MKX: variants seen among roughly 807,000 people sequenced by gnomAD.
MKX encodes homeobox protein Mohawk.
A neutral mutation model predicts 36.0 loss-of-function variants in MKX; 13 were observed. That is an observed-to-expected ratio of 0.36 (90% confidence interval 0.24 to 0.57). MKX has a LOEUF of 0.57. Ranked by LOEUF, MKX falls within the 20% of genes least tolerant of loss-of-function variation. MKX has a pLI of 0.79. For synonymous variants in MKX, 176 were observed against 178.3 expected (o/e 0.99, Z 0.10); for missense variants, 458 against 456.4 (o/e 1.00, Z -0.03).
chr10:27,716,874 T>C (rs2132606509), intron 5 of MKX, among the ~76,000 whole-genome samples: 1 of 152,296 alleles, frequency 6.6e-6, no homozygotes, highest in East Asian at 1.9e-4. Flanking sequence ...AAAGGAACTA[T>C]ACAGATGTAA....
chr10:27,728,067 T>C (rs1170121336), intron 5 of MKX, among the ~76,000 whole-genome samples: 1 of 152,192 alleles, frequency 6.6e-6, no homozygotes, highest in African/African-American at 2.4e-5. Context: ...GGACTGGTGA[T>C]AGAGGCTTTT....
intron 5 of MKX, among the ~76,000 whole-genome samples, chr10:27,707,629 T>C (rs1230675545): frequency 6.6e-6 from 1 of 152,208 alleles, no homozygotes; most frequent in Non-Finnish European, 1.5e-5. Context: ...CTTGCCGCCC[T>C]GCGTCCACAC....
At chr10:27,698,756 C>T (rs142969146) in intron 5 of MKX, among the ~76,000 whole-genome samples, 2 of 151,834 alleles carry the variant, frequency 1.3e-5, no homozygotes, top group South Asian at 2.1e-4. Context: ...AACCGCGATG[C>T]GAAATTACTT....
rs147700267 is a variant in MKX, at chr10:27,712,737, C to T, written c.838+21719G>A. 6.4e-3 allele frequency among the ~76,000 whole-genome samples: 979 copies of T among 152,134 alleles called. 4 individuals are homozygous for T. The highest frequency in any genetic ancestry group is 0.011 in the Non-Finnish European group (756 of 67,996). ...GCAGAGGTGGGAGGATTTCTTGAGG[C>T]CAGGAGTTTGAGACAAAACACGACA... is the stretch of plus-strand genomic sequence containing the variant. On this transcript the variant is annotated intron_variant, in intron 5 of 6. Coordinates refer to ENST00000419761, the MANE Select transcript of MKX (RefSeq NM_173576.3).
chr10:27,679,806 G>A (rs2132489331), intron 5 of MKX, among the ~76,000 whole-genome samples: 1 of 152,266 alleles, frequency 6.6e-6, no homozygotes, highest in East Asian at 1.9e-4. Context: ...GTTGTATTAA[G>A]TGTTGTAATT....
At chr10:27,737,924 A>T (rs2132647684) in intron 3 of MKX, among the ~76,000 whole-genome samples, 1 of 152,292 alleles carries the variant, frequency 6.6e-6, no homozygotes, top group South Asian at 2.1e-4. Context: ...TTTTTAAAAA[A>T]GTAATACACT....
chr10:27,685,598 G>T (rs576901927), intron 5 of MKX, among the ~76,000 whole-genome samples: 1 of 151,884 alleles, frequency 6.6e-6, no homozygotes, highest in East Asian at 1.9e-4. Context: ...ACAGGCGCCC[G>T]CCACCACGCC....
Position 27,741,310 on chromosome 10 carries a change from GA to G in MKX, c.348+34del. ...GTTCCCGCTCTTCAGCCCCTCGCGG[GA>G]AAACGGATCAGGGTGTTAATGGGTC... On this transcript the variant is annotated intron_variant, in intron 3 of 6. Coordinates refer to ENST00000419761, the MANE Select transcript of MKX (RefSeq NM_173576.3). This position sits in a 1 kb window ranked among gnomAD's most constrained non-coding sequence, Gnocchi z 5.1. 1.2e-6 allele frequency: 2 copies of G among 1,606,802 alleles called. No individual in the cohort carries two copies. Among genetic ancestry groups the G allele is most frequent in the East Asian group, 2.2e-5 (1 of 44,596 alleles).
intron 5 of MKX, among the ~76,000 whole-genome samples, chr10:27,699,509 G>A (rs1005515923): frequency 1.3e-5 from 2 of 152,150 alleles, no homozygotes; most frequent in African/African-American, 4.8e-5. Context: ...CATGAAGAAC[G>A]AATACGTCAA....
intron 5 of MKX, among the ~76,000 whole-genome samples, chr10:27,685,138 C>T (rs947059993): frequency 5.3e-5 from 8 of 152,056 alleles, no homozygotes; most frequent in African/African-American, 1.9e-4. Flanking sequence ...TGGCCCTGGC[C>T]CTGAAGGTCA....
chr10:27,715,999 A>AAGAT (rs1445239606), intron 5 of MKX, among the ~76,000 whole-genome samples: 2 of 152,152 alleles, frequency 1.3e-5, no homozygotes, highest in African/African-American at 4.8e-5. Flanking sequence ...GAAAAAGTAA[A>AAGAT]AGATAGTGCT....
intron 5 of MKX, among the ~76,000 whole-genome samples, chr10:27,709,108 G>T (rs903546515): frequency 2.6e-5 from 4 of 152,052 alleles, no homozygotes; most frequent in Non-Finnish European, 5.9e-5. Flanking sequence ...GGTGGATGTT[G>T]CAGTGAGCTG....
chr10:27,718,793 A>C (rs1047447482), intron 5 of MKX, among the ~76,000 whole-genome samples: 47 of 152,252 alleles, frequency 3.1e-4, no homozygotes, highest in African/African-American at 1.1e-3. Context: ...TCTTTATTCA[A>C]GCACCATAGT....
At chr10:27,689,252 G>A (rs16928159) in intron 5 of MKX, among the ~76,000 whole-genome samples, 2,059 of 152,154 alleles carry the variant, frequency 0.014, 44 homozygotes, top group African/African-American at 0.047. Context: ...TCACAAGAGC[G>A]GCAAACGGCA....
intron 3 of MKX, among the ~76,000 whole-genome samples, chr10:27,740,799 T>A (rs1219811380): frequency 6.6e-6 from 1 of 152,000 alleles, no homozygotes. Flanking sequence ...GTGTGGGGGG[T>A]TGTTGATCCA....
intron 5 of MKX, among the ~76,000 whole-genome samples, chr10:27,703,047 C>T (rs1379672083): frequency 6.6e-6 from 1 of 152,114 alleles, no homozygotes; most frequent in East Asian, 1.9e-4. Context: ...AAGGAATTTG[C>T]TCATCGTTCA....
chr10:27,687,813 A>T (rs928796437), intron 5 of MKX, among the ~76,000 whole-genome samples: 4 of 152,208 alleles, frequency 2.6e-5, no homozygotes, highest in Non-Finnish European at 4.4e-5. Flanking sequence ...AATGCAGTCT[A>T]TGGGGAGGCC....
At chr10:27,703,576 G>A (rs571738835) in intron 5 of MKX, among the ~76,000 whole-genome samples, 71 of 152,054 alleles carry the variant, frequency 4.7e-4, no homozygotes, top group Middle Eastern at 3.4e-3. Flanking sequence ...TGATTGTACT[G>A]CTAGAAAACA....
intron 5 of MKX, among the ~76,000 whole-genome samples, chr10:27,730,082 T>C (rs1377324765): frequency 6.6e-6 from 1 of 152,194 alleles, no homozygotes; most frequent in African/African-American, 2.4e-5. Flanking sequence ...ATAATTTTAA[T>C]TTAGATGACT....
Sources: allele counts gnomAD v4.1 joint callset (sites outside exome capture counted in the v4.1 genomes callset), GRCh38; gene constraint gnomAD v4.1.1; non-coding constraint Gnocchi (gnomAD v3.1); transcripts MANE v1.5; gene names NCBI Gene and HGNC (gene_info 2026-07-23, HGNC 2026-07-21).